The following PPP1R14C variants were observed in gnomAD, a reference collection of about 807,000 sequenced individuals.
The protein encoded by PPP1R14C is protein phosphatase 1 regulatory inhibitor subunit 14C.
In PPP1R14C, 16 loss-of-function variants were observed where a neutral mutation model predicts 20.4. The ratio of observed to expected loss-of-function variants is 0.78; its 90% CI spans 0.53 to 1.19. The LOEUF (loss-of-function observed/expected upper bound fraction) is 1.19, where lower values mean the gene tolerates loss of function less well. PPP1R14C is among the 50% of genes most tolerant of loss of function. PPP1R14C has a pLI of 0.00. For missense variants in PPP1R14C, 211 were observed against 220.1 expected (o/e 0.96, Z 0.26); for synonymous variants, 91 against 91.0 (o/e 1.00, Z 0.00).
At chr6:150,246,877 A>G (rs998953739) in intron 3 of PPP1R14C, among the ~76,000 whole-genome samples, 12 of 152,208 alleles carry the variant, frequency 7.9e-5, no homozygotes, top group African/African-American at 2.9e-4. Context: ...ACATAATGCT[A>G]GGTGAAGAAA....
At chr6:150,198,530 A>G (rs1777837761) in intron 1 of PPP1R14C, among the ~76,000 whole-genome samples, 1 of 152,214 alleles carries the variant, frequency 6.6e-6, no homozygotes, top group African/African-American at 2.4e-5. Flanking sequence ...GCCACATTCT[A>G]TGGGTTAAGA....
chr6:150,206,364 A>G (rs73007982), intron 1 of PPP1R14C, among the ~76,000 whole-genome samples: 6,652 of 152,246 alleles, frequency 0.044, 174 homozygotes, highest in Non-Finnish European at 0.066. Flanking sequence ...TCAATTGTTT[A>G]TTCCTTAACC....
intron 1 of PPP1R14C, among the ~76,000 whole-genome samples, chr6:150,167,967 T>TTTCTCCCC (rs1777444346): frequency 2.7e-5 from 4 of 146,962 alleles, no homozygotes; most frequent in African/African-American, 5.1e-5. Flanking sequence ...TCCTCCCCTC[T>TTTCTCCCC]TTCTCTCCTT....
At chr6:150,232,288 T>C (rs983523323) in intron 3 of PPP1R14C, among the ~76,000 whole-genome samples, 2 of 152,216 alleles carry the variant, frequency 1.3e-5, no homozygotes, top group Non-Finnish European at 2.9e-5. Context: ...TTTTTCTTGT[T>C]GATTTTTAAG....
intron 1 of PPP1R14C, among the ~76,000 whole-genome samples, chr6:150,183,795 C>T (rs150715218): frequency 9.2e-4 from 140 of 152,042 alleles, no homozygotes; most frequent in Admixed American, 1.4e-3. Context: ...CGTGAGCCAC[C>T]GTGCCCGGCC....
chr6:150,183,434 A>G (rs892882242), intron 1 of PPP1R14C, among the ~76,000 whole-genome samples: 2 of 152,216 alleles, frequency 1.3e-5, no homozygotes, highest in Admixed American at 1.3e-4. Context: ...AAATGCTTCC[A>G]AATGTCGTAG....
At chr6:150,173,688 C>T (rs1021166259) in intron 1 of PPP1R14C, among the ~76,000 whole-genome samples, 1 of 152,120 alleles carries the variant, frequency 6.6e-6, no homozygotes, top group Admixed American at 6.5e-5. Flanking sequence ...TCCTAACGTG[C>T]TTTATCTTGT....
chr6:150,198,015 T>C (rs371851525), intron 1 of PPP1R14C, among the ~76,000 whole-genome samples: 9 of 22,956 alleles, frequency 3.9e-4, no homozygotes, highest in Non-Finnish European at 4.9e-4. Context: ...CTGCCCTTCA[T>C]GGTGGAGGAG....
intron 1 of PPP1R14C, among the ~76,000 whole-genome samples, chr6:150,148,633 A>G (rs1288070512): frequency 6.6e-6 from 1 of 152,264 alleles, no homozygotes; most frequent in Non-Finnish European, 1.5e-5. Context: ...GCTGGAAGGT[A>G]GAAACTGCTA....
At chr6:150,229,265 A>G (rs1259081580) in intron 3 of PPP1R14C, among the ~76,000 whole-genome samples, 1 of 152,266 alleles carries the variant, frequency 6.6e-6, no homozygotes, top group African/African-American at 2.4e-5. Context: ...TCCCTCATTG[A>G]CAATGAATGA....
intron 2 of PPP1R14C, among the ~76,000 whole-genome samples, chr6:150,216,495 A>AAAAC (rs1188953083): frequency 3.3e-5 from 5 of 152,134 alleles, no homozygotes; most frequent in East Asian, 1.9e-4. Context: ...ATTCTGTCTC[A>AAAAC]AAACAAACAA....
chr6:150,204,611 C>G (rs1015059992), intron 1 of PPP1R14C, among the ~76,000 whole-genome samples: 1 of 152,134 alleles, frequency 6.6e-6, no homozygotes, highest in Non-Finnish European at 1.5e-5. Context: ...ATGATTGTGC[C>G]CGATTTCTAT....
chr6:150,156,860 T>C (rs533401968), intron 1 of PPP1R14C, among the ~76,000 whole-genome samples: 1 of 152,370 alleles, frequency 6.6e-6, no homozygotes, highest in East Asian at 1.9e-4. Context: ...ACTAATCTTA[T>C]ACCAGAAGCA....
At chr6:150,227,505 C>A (rs1778243684) in intron 3 of PPP1R14C, among the ~76,000 whole-genome samples, 1 of 152,192 alleles carries the variant, frequency 6.6e-6, no homozygotes, top group Non-Finnish European at 1.5e-5. Flanking sequence ...AGGGCATCTG[C>A]ACTTGCTAGA....
In PPP1R14C at chr6:150,214,761, G is replaced by A; in HGVS notation, c.324G>A (p.Glu108=). 6.2e-7 allele frequency: 1 copy of A among 1,613,102 alleles called. No homozygotes were observed. Among genetic ancestry groups the A allele is most frequent in the Non-Finnish European group, 8.5e-7 (1 of 1,179,504 alleles). ...LYGCEEEEMP[E]VEIDIDDLLD... Reference sequence around the variant, plus strand: ...CCCCCCAGGAAGAAGAAATGCCAGAGGTAGAAATTGACATTGATGATCTTC... The same window carrying A: ...CCCCCCAGGAAGAAGAAATGCCAGAAGTAGAAATTGACATTGATGATCTTC... The change falls in exon 2 of 4, where the codon GAG becomes GAA. Residue 108 remains glutamate, a synonymous_variant. Coordinates refer to ENST00000361131, the MANE Select transcript of PPP1R14C (RefSeq NM_030949.3).
At chr6:150,211,396 C>T (rs567883105) in intron 1 of PPP1R14C, among the ~76,000 whole-genome samples, 1 of 152,288 alleles carries the variant, frequency 6.6e-6, no homozygotes, top group South Asian at 2.1e-4. Context: ...ATAACTTTCC[C>T]CAGCAGCTGT....
chr6:150,174,375 A>G (rs1403978432), intron 1 of PPP1R14C, among the ~76,000 whole-genome samples: 1 of 151,686 alleles, frequency 6.6e-6, no homozygotes, highest in Non-Finnish European at 1.5e-5. Context: ...GCCCCCCACC[A>G]CTCCCAGGTA....
chr6:150,169,781 A>C (rs9397708), intron 1 of PPP1R14C, among the ~76,000 whole-genome samples: 50 of 152,278 alleles, frequency 3.3e-4, no homozygotes, highest in Non-Finnish European at 5.9e-4. Context: ...AATGACTATC[A>C]TTTATTTTGC....
intron 3 of PPP1R14C, among the ~76,000 whole-genome samples, chr6:150,230,114 A>G (rs962477914): frequency 1.3e-5 from 2 of 152,092 alleles, no homozygotes; most frequent in African/African-American, 2.4e-5. Context: ...GGGTGAGGAC[A>G]TTTTGCCATT....
Sources: gnomAD v4.1 joint callset for allele counts (sites outside exome capture counted in the v4.1 genomes callset) on GRCh38, gnomAD v4.1.1 for gene constraint, MANE v1.5 for transcripts, NCBI Gene and HGNC (gene_info 2026-07-23, HGNC 2026-07-21) for gene names.